Variants in TBC1D5 observed in about 807,000 individuals in gnomAD.
TBC1D5 encodes the protein TBC1 domain family member 5.
Under a neutral mutation model 100.3 loss-of-function variants are expected in TBC1D5, and 75 were observed. The observed-to-expected ratio is 0.75, with a 90% confidence interval of 0.62 to 0.91. The LOEUF is 0.91. Among genes scored for constraint, TBC1D5 ranks in the 40% least tolerant of loss-of-function variants. The probability of loss-of-function intolerance (pLI) is 0.00; values close to 1 mark genes in which losing one functional copy is unlikely to be tolerated. For missense variants in TBC1D5, 910 were observed against 942.4 expected, an observed-to-expected ratio of 0.97 and a Z score of 0.45; for synonymous variants, 323 against 325.6, an observed-to-expected ratio of 0.99 and a Z score of 0.09.
At chr3:17,598,580 G>A (rs950596309) in intron 2 of TBC1D5, among the ~76,000 whole-genome samples, 2 of 151,860 alleles carry the variant, frequency 1.3e-5, no homozygotes, top group Non-Finnish European at 2.9e-5. Flanking sequence ...AATACACACT[G>A]TAATCCATTT....
At chr3:17,280,092 C>T (rs755753330) in intron 15 of TBC1D5, among the ~76,000 whole-genome samples, 10 of 152,106 alleles carry the variant, frequency 6.6e-5, no homozygotes, top group Non-Finnish European at 1.5e-4. Context: ...ATCAAACAGA[C>T]AAAAAACATT....
chr3:17,497,398 C>G (rs2095726548), intron 3 of TBC1D5, among the ~76,000 whole-genome samples: 1 of 152,190 alleles, frequency 6.6e-6, no homozygotes, highest in South Asian at 2.1e-4. Context: ...TTTCAATATT[C>G]TATTCCCAGA....
At chr3:17,290,268 C>T (rs939341659) in intron 15 of TBC1D5, among the ~76,000 whole-genome samples, 4 of 152,104 alleles carry the variant, frequency 2.6e-5, no homozygotes, top group Non-Finnish European at 5.9e-5. Flanking sequence ...ATGTACACGA[C>T]TTTATTGAGA....
chr3:17,481,724 G>A (rs572328616), intron 3 of TBC1D5, among the ~76,000 whole-genome samples: 3 of 152,250 alleles, frequency 2.0e-5, no homozygotes, highest in South Asian at 2.1e-4. Flanking sequence ...TCAATGTTGC[G>A]TTTCTGGCAA....
chr3:17,597,794 T>A (rs750288374), intron 2 of TBC1D5, among the ~76,000 whole-genome samples: 1 of 152,184 alleles, frequency 6.6e-6, no homozygotes, highest in Admixed American at 6.5e-5. Flanking sequence ...GATCCCACAC[T>A]ACCCTAAGCT....
At chr3:17,457,789 A>G (rs1015553479) in intron 3 of TBC1D5, among the ~76,000 whole-genome samples, 1 of 152,162 alleles carries the variant, frequency 6.6e-6, no homozygotes, top group Non-Finnish European at 1.5e-5. Context: ...GTAAAGACTA[A>G]AACAGTTTTC....
At chr3:17,501,889 T>G (rs977282021) in intron 3 of TBC1D5, among the ~76,000 whole-genome samples, 1 of 148,930 alleles carries the variant, frequency 6.7e-6, no homozygotes, top group Non-Finnish European at 1.5e-5. Context: ...CACTTTAACC[T>G]TTTTTACTCC....
At chr3:17,559,082 TTAAATAAATAAATAAA>T (rs10575585) in intron 2 of TBC1D5, among the ~76,000 whole-genome samples, 71 of 149,854 alleles carry the variant, frequency 4.7e-4, no homozygotes, top group Admixed American at 2.0e-3. Context: ...TCTCTTTCTC[TTAAATAAATAAATAAA>T]TAAATAAATA....
intron 13 of TBC1D5, among the ~76,000 whole-genome samples, chr3:17,355,648 A>T (rs1168529260): frequency 2.0e-5 from 3 of 151,772 alleles, no homozygotes; most frequent in Non-Finnish European, 4.4e-5. Context: ...AAAGTAATAA[A>T]TTTTTTTAAA....
chr3:17,578,935 T>G (rs1263468691), intron 2 of TBC1D5, among the ~76,000 whole-genome samples: 1 of 152,004 alleles, frequency 6.6e-6, no homozygotes, highest in Non-Finnish European at 1.5e-5. Flanking sequence ...CAGAAGTACA[T>G]AAGAGCAGAG....
chr3:17,210,526 CT>C (rs914640210), intron 18 of TBC1D5, among the ~76,000 whole-genome samples: 2 of 152,078 alleles, frequency 1.3e-5, no homozygotes, highest in African/African-American at 4.8e-5. Context: ...CATTGTCTTG[CT>C]TTTGGTGTTG....
chr3:17,612,490 C>T (rs540378842), intron 2 of TBC1D5, among the ~76,000 whole-genome samples: 8 of 151,636 alleles, frequency 5.3e-5, no homozygotes, highest in African/African-American at 1.9e-4. Context: ...ATTAGTCGGG[C>T]ATGGTGGCAT....
At chr3:17,728,274 A>G (rs771800253) in intron 1 of TBC1D5, among the ~76,000 whole-genome samples, 5 of 152,206 alleles carry the variant, frequency 3.3e-5, no homozygotes, top group Admixed American at 6.5e-5. Context: ...AGTGGTAGCC[A>G]AAGGAATTAG....
rs1200038958 is a variant in TBC1D5 at position 17,284,869 on chromosome 3, T to C, written c.1245+7026A>G. ...TGTGAAAATACACCTAATTAGTCAC[T>C]AAATACCTAAATATCAACTATAATA... On this transcript the variant is annotated intron_variant, in intron 15 of 21. Coordinates refer to ENST00000253692, the Ensembl canonical transcript of TBC1D5. Among the ~76,000 whole-genome samples the C allele has an allele frequency of 6.6e-5, 10 of 152,154 alleles. 1 individual carries two copies. The highest frequency in any genetic ancestry group is 6.5e-4 in the Admixed American group (10 of 15,268).
At chr3:17,230,629 T>C (rs2075330666) in intron 17 of TBC1D5, among the ~76,000 whole-genome samples, 1 of 152,140 alleles carries the variant, frequency 6.6e-6, no homozygotes, top group Non-Finnish European at 1.5e-5. Context: ...TCTGATGTTA[T>C]AGATATCTGT....
chr3:17,389,503 T>C (rs1274847224), intron 8 of TBC1D5, among the ~76,000 whole-genome samples: 1 of 152,050 alleles, frequency 6.6e-6, no homozygotes, highest in Non-Finnish European at 1.5e-5. Flanking sequence ...CAGACCACCA[T>C]GCTGTAAGGA....
At chr3:17,735,821 C>T (rs114102379) in intron 1 of TBC1D5, among the ~76,000 whole-genome samples, 42 of 152,292 alleles carry the variant, frequency 2.8e-4, no homozygotes, top group African/African-American at 9.9e-4. Context: ...CAGCAAACAG[C>T]AGTGGTGGAT....
chr3:17,628,465 T>TC (rs1162178794), intron 1 of TBC1D5, among the ~76,000 whole-genome samples: 16 of 150,216 alleles, frequency 1.1e-4, no homozygotes, highest in African/African-American at 3.7e-4. Flanking sequence ...CCCCACCCTC[T>TC]CCCCCCACTT....
chr3:17,600,824 G>C (rs921043562), intron 2 of TBC1D5, among the ~76,000 whole-genome samples: 1 of 145,544 alleles, frequency 6.9e-6, no homozygotes, highest in African/African-American at 2.8e-5. Flanking sequence ...TTGAAAGACC[G>C]GGCGGGGGAA....
Sources: gnomAD v4.1 joint callset for allele counts (sites outside exome capture counted in the v4.1 genomes callset) on GRCh38, gnomAD v4.1.1 for gene constraint, MANE v1.5 for transcripts, NCBI Gene and HGNC (gene_info 2026-07-23, HGNC 2026-07-21) for gene names.